Variants in KCNMA1 observed in about 807,000 individuals in gnomAD.
KCNMA1 encodes Calcium-activated potassium channel subunit alpha-1.
A neutral mutation model predicts 140.0 loss-of-function variants in KCNMA1; 29 were observed. The observed-to-expected ratio is 0.21, with a 90% confidence interval of 0.15 to 0.28. The LOEUF is 0.28. Ranked by LOEUF, KCNMA1 falls within the 10% of genes least tolerant of loss-of-function variation. KCNMA1 has a pLI of 1.00. For synonymous variants in KCNMA1, 612 were observed against 611.9 expected (o/e 1.00, Z 0.00); for missense variants, 880 against 1,602.2 (o/e 0.55, Z 7.70).
At chr10:77,283,564 C>T (rs556798300) in intron 2 of KCNMA1, among the ~76,000 whole-genome samples, 4 of 152,302 alleles carry the variant, frequency 2.6e-5, no homozygotes, top group African/African-American at 7.2e-5. Flanking sequence ...GTTGACACCC[C>T]TATGGCTCAA....
At chr10:76,982,926 A>G (rs2080015103) in intron 19 of KCNMA1, among the ~76,000 whole-genome samples, 2 of 152,140 alleles carry the variant, frequency 1.3e-5, no homozygotes, top group African/African-American at 4.8e-5. Context: ...AGCTTATTCA[A>G]CAGGAAAATA....
chr10:77,022,914 C>T lies in KCNMA1; in HGVS notation c.1929-3815G>A, dbSNP rs577388845. 44 of 454,754 alleles carry T rather than the reference C, an allele frequency of 9.7e-5. No individual in the cohort carries two copies. The Middle Eastern group carries it at 9.8e-4, about 10-fold the overall frequency. 28.2% of individuals were successfully genotyped at this position (454,754 alleles called of 1,614,324 possible). On this transcript the variant is annotated intron_variant, in intron 16 of 27. Transcript: ENST00000286628. The stretch of plus-strand genomic sequence containing the variant: ...GTGTTAAGTATGAATATGTAAATAT[C>T]CCAATATGTAAACAGCCTGCCACTT...
chr10:77,495,327 C>T (rs528592847), intron 1 of KCNMA1, among the ~76,000 whole-genome samples: 17 of 152,298 alleles, frequency 1.1e-4, no homozygotes, highest in Admixed American at 2.6e-4. Flanking sequence ...GGCCCCTTGC[C>T]GGCTGCCCTG....
chr10:77,152,309 T>TGTGTGTGTGTGTGTGTGTGTG (rs59919010), intron 5 of KCNMA1, among the ~76,000 whole-genome samples: 9 of 147,686 alleles, frequency 6.1e-5, no homozygotes, highest in African/African-American at 1.5e-4. Context: ...TGTGTGTGTG[T>TGTGTGTGTGTGTGTGTGTGTG]TGTTGCTGTT....
At chr10:77,153,783 A>T (rs1418348329) in intron 5 of KCNMA1, among the ~76,000 whole-genome samples, 1 of 152,170 alleles carries the variant, frequency 6.6e-6, no homozygotes, top group African/African-American at 2.4e-5. Context: ...TGAGCAACTT[A>T]CATCCTGGAG....
intron 1 of KCNMA1, among the ~76,000 whole-genome samples, chr10:77,415,145 A>G (rs539882370): frequency 6.6e-6 from 1 of 152,354 alleles, no homozygotes; most frequent in South Asian, 2.1e-4. Context: ...TACAATGCTC[A>G]TTAGACATTA....
chr10:77,501,177 C>T (rs816860), intron 1 of KCNMA1, among the ~76,000 whole-genome samples: 13,775 of 152,296 alleles, frequency 0.09, 777 homozygotes, highest in Admixed American at 0.15. Flanking sequence ...CCATTATCAT[C>T]ATCCATAAAC....
At chr10:77,334,362 A>G (rs1028953086) in intron 2 of KCNMA1, among the ~76,000 whole-genome samples, 9 of 152,208 alleles carry the variant, frequency 5.9e-5, no homozygotes, top group African/African-American at 2.2e-4. Context: ...GTCTTTATAT[A>G]TGTAAATTAA....
rs144830706 is a variant in KCNMA1, at chr10:77,103,817, G to C, written c.1223+4664C>G. On this transcript the variant is annotated intron_variant, in intron 9 of 27. Coordinates refer to ENST00000286628, the MANE Select transcript of KCNMA1 (RefSeq NM_001161352.2). ...CTCAATCCTGGGGCCAGGACCCTTA[G>C]GGGTAGTGGGTGGGCAGGAGGGGAG... is the stretch of plus-strand genomic sequence containing the variant. Among the ~76,000 whole-genome samples the C allele has an allele frequency of 9.8e-3, 1,488 of 152,302 alleles. 28 individuals are homozygous for C. The highest frequency in any genetic ancestry group is 0.034 in the African/African-American group (1,412 of 41,564).
At chr10:77,476,710 A>G (rs907210612) in intron 1 of KCNMA1, among the ~76,000 whole-genome samples, 1 of 152,252 alleles carries the variant, frequency 6.6e-6, no homozygotes, top group Non-Finnish European at 1.5e-5. Context: ...CCTCACAGCC[A>G]GAACCCTGCT....
intron 19 of KCNMA1, among the ~76,000 whole-genome samples, chr10:76,986,836 C>T (rs113150550): frequency 1.2e-4 from 19 of 152,298 alleles, no homozygotes; most frequent in Admixed American, 7.2e-4. Flanking sequence ...AAGGAGAAAA[C>T]ATCAGCACCC....
intron 3 of KCNMA1, among the ~76,000 whole-genome samples, chr10:77,242,530 C>G (rs2057522832): frequency 6.6e-6 from 1 of 152,230 alleles, no homozygotes; most frequent in South Asian, 2.1e-4. Flanking sequence ...TCAGCACTTA[C>G]TGTGTGCAAT....
intron 5 of KCNMA1, among the ~76,000 whole-genome samples, chr10:77,171,422 T>C (rs147185546): frequency 1.4e-3 from 194 of 142,782 alleles, no homozygotes; most frequent in African/African-American, 5.7e-3. Context: ...TGTGTGTGTG[T>C]GTGTGTGTGT....
At chr10:76,941,070 A>AG (rs2062024882) in intron 23 of KCNMA1, among the ~76,000 whole-genome samples, 2 of 71,508 alleles carry the variant, frequency 2.8e-5, no homozygotes, top group Non-Finnish European at 5.8e-5. Flanking sequence ...AAAGAAAGAA[A>AG]AAGAAAGAAA....
rs958752469 is a variant in KCNMA1, at chr10:77,193,260, A to G, written c.603-8344T>C. Reference sequence around the variant, plus strand: ...CTTGTTTTCTCCAGCTTATCTGCAGACTACAATTATTTCAATCACAGTTGT... The same window carrying G: ...CTTGTTTTCTCCAGCTTATCTGCAGGCTACAATTATTTCAATCACAGTTGT... On this transcript the variant is annotated intron_variant, in intron 3 of 27. Coordinates refer to ENST00000286628, the MANE Select transcript of KCNMA1 (RefSeq NM_001161352.2). Among the ~76,000 whole-genome samples the G allele has an allele frequency of 2.0e-5, 3 of 152,300 alleles. No individual in the cohort carries two copies. The South Asian group carries it at 6.2e-4, about 32-fold the overall frequency.
intron 2 of KCNMA1, among the ~76,000 whole-genome samples, chr10:77,324,569 T>A (rs919023043): frequency 6.4e-5 from 9 of 141,364 alleles, no homozygotes; most frequent in African/African-American, 2.2e-4. Flanking sequence ...TCAACCTGAA[T>A]GTCTGATTTT....
At chr10:76,941,930 GGT>G (rs1479697525) in intron 23 of KCNMA1, among the ~76,000 whole-genome samples, 4 of 151,942 alleles carry the variant, frequency 2.6e-5, no homozygotes, top group African/African-American at 7.3e-5. Context: ...AGGGACGAGG[GGT>G]CTCTCTCAGG....
intron 5 of KCNMA1, among the ~76,000 whole-genome samples, chr10:77,121,575 A>T (rs78985165): frequency 7.2e-6 from 1 of 139,452 alleles, no homozygotes; most frequent in Non-Finnish European, 1.6e-5. Context: ...TCCTCCCAAT[A>T]AAAAAAAAAA....
intron 1 of KCNMA1, among the ~76,000 whole-genome samples, chr10:77,473,686 G>A (rs912266077): frequency 4.6e-5 from 7 of 152,074 alleles, no homozygotes; most frequent in Non-Finnish European, 7.4e-5. Flanking sequence ...GGGCCAGTGC[G>A]ACCTTTCCAA....
Sources: allele counts gnomAD v4.1 joint callset (sites outside exome capture counted in the v4.1 genomes callset), GRCh38; gene constraint gnomAD v4.1.1; transcripts MANE v1.5; gene names NCBI Gene and HGNC (gene_info 2026-07-23, HGNC 2026-07-21).